MSH3: variants seen among roughly 807,000 people sequenced by gnomAD.
The protein encoded by MSH3 is mutS homolog 3.
MSH3 carries 106 observed loss-of-function variants against 123.3 expected under a neutral mutation model. The observed-to-expected ratio is 0.86, with a 90% CI of 0.73 to 1.01. The LOEUF (loss-of-function observed/expected upper bound fraction) is 1.01. Among genes scored for constraint, MSH3 ranks in the 50% least tolerant of loss-of-function variants. MSH3 has a pLI of 0.00. For missense variants in MSH3, 1,459 were observed against 1,347.6 expected, an observed-to-expected ratio of 1.08 and a Z score of -1.29; for synonymous variants, 515 against 481.4, an observed-to-expected ratio of 1.07 and a Z score of -0.91.
At chr5:80,845,392 T>C (rs1214643046) in intron 20 of MSH3, among the ~76,000 whole-genome samples, 2 of 152,204 alleles carry the variant, frequency 1.3e-5, no homozygotes, top group African/African-American at 4.8e-5. Flanking sequence ...GAGTTGCTCT[T>C]CTCGAGGAGT....
At chr5:80,699,714 T>C (rs1171884836) in intron 8 of MSH3, among the ~76,000 whole-genome samples, 2 of 152,210 alleles carry the variant, frequency 1.3e-5, no homozygotes, top group South Asian at 2.1e-4. Context: ...TGATTTCTTA[T>C]CGTTTTTTCC....
Position 80,744,599 on chromosome 5 carries a change from C to G in MSH3, c.1747C>G (p.Pro583Ala). 1 of 1,612,268 alleles carries G rather than the reference C, an allele frequency of 6.2e-7. No homozygotes were observed. The highest frequency in any genetic ancestry group is 8.5e-7 in the Non-Finnish European group (1 of 1,178,624). Residue 583 changes from proline (P) to alanine (A), a missense_variant, in exon 12 of 24, where the codon CCA (proline) becomes GCA (alanine). By Grantham distance (27) the Pro-to-Ala change is conservative. Transcript: ENST00000265081. ...GAAGTTAAAGAAGTGGGTGACCCAG[C>G]CACTCCTTAAATTAAGGTAAAAGGA... is the stretch of plus-strand genomic sequence containing the variant. The part of the protein sequence containing the change: ...RRKLKKWVTQ[P>A]LLKLREINAR...
At chr5:80,723,582 C>T (rs546780102) in intron 8 of MSH3, among the ~76,000 whole-genome samples, 22 of 152,140 alleles carry the variant, frequency 1.4e-4, no homozygotes, top group Non-Finnish European at 1.3e-4. Flanking sequence ...GTAAAAAGCA[C>T]ATGTATCTTC....
chr5:80,836,684 G>A (rs1745521194), intron 20 of MSH3, among the ~76,000 whole-genome samples: 1 of 151,874 alleles, frequency 6.6e-6, no homozygotes, highest in Non-Finnish European at 1.5e-5. Context: ...TATAACCTGT[G>A]CACATCCTCC....
chr5:80,748,697 CACACACACA>C (rs1221488401), intron 12 of MSH3, among the ~76,000 whole-genome samples: 2 of 5,210 alleles, frequency 3.8e-4, no homozygotes, highest in Non-Finnish European at 6.7e-4. Context: ...TATTTACACA[CACACACACA>C]CACACACACA....
chr5:80,658,035 C>CCTTTTTTTTTTT lies in MSH3; in HGVS notation c.358+1504_358+1505insCTTTTTTTTTTT, dbSNP rs369384745. Among the ~76,000 whole-genome samples, 19 of 87,190 alleles carry CCTTTTTTTTTTT rather than the reference C, an allele frequency of 2.2e-4. 1 individual carries two copies. Among genetic ancestry groups the CCTTTTTTTTTTT allele is most frequent in the African/African-American group, 8.3e-4 (16 of 19,278 alleles). The allele number at this position is 87,190 out of a possible 152,430, so 57.2% of individuals were successfully genotyped here. On this transcript the variant is annotated intron_variant, in intron 2 of 23. Transcript: ENST00000265081. ...ATTTTTCCTAAGAATGCTTTTTGCC[C>CCTTTTTTTTTTT]TCTTTTTTTTTTTTTGAGATAGGGT...
intron 19 of MSH3, among the ~76,000 whole-genome samples, chr5:80,808,812 AAAGGGAAAGTGTCAGACT>A (rs1744947459): frequency 6.9e-6 from 1 of 144,156 alleles, no homozygotes; most frequent in East Asian, 2.0e-4. Flanking sequence ...AAAATATTGG[AAAGGGAAAGTGTCAGACT>A]TACTTACTTT....
chr5:80,843,529 C>G (rs6453525), intron 20 of MSH3, among the ~76,000 whole-genome samples: 106,335 of 151,312 alleles, frequency 0.7, 37,342 homozygotes, highest in South Asian at 0.8. Context: ...GAATCCGTCT[C>G]GTCCTGGACT....
chr5:80,827,249 AAG>A (rs1295569279), intron 20 of MSH3, among the ~76,000 whole-genome samples: 2 of 152,228 alleles, frequency 1.3e-5, no homozygotes, highest in Non-Finnish European at 2.9e-5. Context: ...CGTTGATGAA[AAG>A]AGATATTTAC....
chr5:80,780,720 A>T (rs1744395912), intron 17 of MSH3, among the ~76,000 whole-genome samples: 1 of 152,192 alleles, frequency 6.6e-6, no homozygotes, highest in African/African-American at 2.4e-5. Flanking sequence ...TACAAAAATT[A>T]GCCGGGTGTG....
rs1237492754 is a variant in MSH3, at chr5:80,876,388, AG to A, written c.*528del. 5.7e-6 allele frequency: 1 copy of A among 176,616 alleles called. No homozygotes were observed. The highest frequency in any genetic ancestry group is 2.4e-5 in the African/African-American group (1 of 42,148). 10.9% of individuals were successfully genotyped at this position (176,616 alleles called of 1,614,324 possible). ...GAGGCCAAGGTAGGCAGATCACCTG[AG>A]GTCAGGAGTTCAAGACCAGCCTGGC... On this transcript the variant is annotated 3_prime_UTR_variant, in exon 24 of 24. Transcript: ENST00000265081.
At chr5:80,659,576 G>T (rs1032096633) in intron 2 of MSH3, among the ~76,000 whole-genome samples, 2 of 152,154 alleles carry the variant, frequency 1.3e-5, no homozygotes, top group African/African-American at 4.8e-5. Flanking sequence ...GCATGTATCA[G>T]TACTTCATTC....
chr5:80,875,114 A>G (rs1400368644), intron 23 of MSH3, among the ~76,000 whole-genome samples: 1 of 152,090 alleles, frequency 6.6e-6, no homozygotes, highest in Non-Finnish European at 1.5e-5. Context: ...TGTGCCAGCT[A>G]CTCTTCTCAT....
intron 12 of MSH3, among the ~76,000 whole-genome samples, chr5:80,751,464 G>T (rs1743835578): frequency 6.6e-6 from 1 of 152,116 alleles, no homozygotes; most frequent in Non-Finnish European, 1.5e-5. Flanking sequence ...CTAGCTAGCT[G>T]GAGACTAAAA....
At chr5:80,678,706 C>T (rs1278656553) in intron 7 of MSH3, among the ~76,000 whole-genome samples, 4 of 152,044 alleles carry the variant, frequency 2.6e-5, no homozygotes, top group African/African-American at 4.8e-5. Flanking sequence ...GTATTCAGGG[C>T]GGCTCTCGGA....
chr5:80,830,537 A>C (rs1745398982), intron 20 of MSH3, among the ~76,000 whole-genome samples: 1 of 152,240 alleles, frequency 6.6e-6, no homozygotes, highest in Admixed American at 6.5e-5. Flanking sequence ...CCATGATGAC[A>C]GATTAATCTT....
intron 8 of MSH3, among the ~76,000 whole-genome samples, chr5:80,711,993 T>G (rs1349199678): frequency 6.6e-6 from 1 of 152,098 alleles, no homozygotes; most frequent in African/African-American, 2.4e-5. Flanking sequence ...GAAAAAAATT[T>G]TAGTTGAAAA....
At chr5:80,865,841 A>G (rs1283254424) in intron 22 of MSH3, among the ~76,000 whole-genome samples, 2 of 152,232 alleles carry the variant, frequency 1.3e-5, no homozygotes, top group East Asian at 3.8e-4. Flanking sequence ...TGGCCCAAAT[A>G]AAACAAAGCA....
chr5:80,787,260 A>C (rs1042977586), intron 17 of MSH3, among the ~76,000 whole-genome samples: 3 of 152,252 alleles, frequency 2.0e-5, no homozygotes, highest in Non-Finnish European at 1.5e-5. Context: ...TGACTGCTAT[A>C]TTTATGTTAT....
Sources: gnomAD v4.1 joint callset for allele counts (sites outside exome capture counted in the v4.1 genomes callset) on GRCh38, gnomAD v4.1.1 for gene constraint, MANE v1.5 for transcripts, NCBI Gene and HGNC (gene_info 2026-07-23, HGNC 2026-07-21) for gene names.